PEMT: variants seen among roughly 807,000 people sequenced by gnomAD.
PEMT encodes the protein phospholipid methyltransferase.
A neutral mutation model predicts 27.4 loss-of-function variants in PEMT; 23 were observed. The ratio of observed to expected loss-of-function variants is 0.84; its 90% confidence interval spans 0.60 to 1.19. The LOEUF is 1.19. Among genes scored for constraint, PEMT ranks in the 50% most tolerant of loss-of-function variants. PEMT has a pLI of 0.00. For missense variants in PEMT, 307 were observed against 310.1 expected (o/e 0.99, Z 0.07); for synonymous variants, 137 against 139.1 (o/e 0.98, Z 0.11).
intron 6 of PEMT, 103 bp from the exon 7 acceptor site, chr17:17,505,951 C>A (rs945381230): frequency 2.1e-6 from 3 of 1,435,448 alleles, no homozygotes; most frequent in Non-Finnish European, 2.8e-6. Flanking sequence ...CCAGATGGGA[C>A]CGGGATCCCC....
At chr17:17,575,303 G>A (rs2142738821) in intron 2 of PEMT, among the ~76,000 whole-genome samples, 1 of 152,300 alleles carries the variant, frequency 6.6e-6, no homozygotes, top group Admixed American at 6.5e-5. Context: ...GGCACTTAGG[G>A]CCCACCTGGG....
intron 2 of PEMT, chr17:17,571,019 G>A (rs1911161910): frequency 1.5e-5 from 8 of 528,306 alleles, no homozygotes; most frequent in Non-Finnish European, 1.9e-5. Flanking sequence ...TGGACCCAAG[G>A]TCCTGAAGCC....
At position 17,586,093 on chromosome 17, in the gene PEMT, A is replaced by C. The variant is rs1295227078; in HGVS notation, c.96+5438T>G. On this transcript the variant is annotated intron_variant, in intron 1 of 6. Transcript: ENST00000255389. ...GCGAGACTCCGTCTCAAAAAAAAAA[A>C]AAAAATTGTCACAGATTTTTGAGAC... is the stretch of plus-strand genomic sequence containing the variant. Among the ~76,000 whole-genome samples the C allele has an allele frequency of 2.6e-5, 4 of 151,264 alleles. No individual in the cohort carries two copies. The East Asian group carries it at 7.7e-4, about 29-fold the overall frequency.
intron 4 of PEMT, among the ~76,000 whole-genome samples, chr17:17,511,773 C>T (rs943927413): frequency 1.2e-4 from 18 of 152,068 alleles, no homozygotes; most frequent in Non-Finnish European, 1.6e-4. Flanking sequence ...TTCCAGGTTC[C>T]GAAGGCCCCC....
At chr17:17,516,538 C>T (rs1349681201) in intron 3 of PEMT, among the ~76,000 whole-genome samples, 4 of 152,174 alleles carry the variant, frequency 2.6e-5, no homozygotes, top group Non-Finnish European at 5.9e-5. Context: ...GTGGGATAGG[C>T]TCAAGCCTCA....
intron 3 of PEMT, among the ~76,000 whole-genome samples, chr17:17,520,013 G>T (rs947808788): frequency 6.6e-6 from 1 of 152,212 alleles, no homozygotes; most frequent in African/African-American, 2.4e-5. Flanking sequence ...TAGGGAGCAG[G>T]AGTGGTGGAA....
intron 2 of PEMT, among the ~76,000 whole-genome samples, chr17:17,551,240 A>G (rs1394371187): frequency 6.6e-6 from 1 of 152,222 alleles, no homozygotes; most frequent in East Asian, 1.9e-4. Flanking sequence ...GACACCGGAA[A>G]GGGGTTCAGG....
At chr17:17,517,582 C>T (rs959527770) in intron 3 of PEMT, among the ~76,000 whole-genome samples, 2 of 152,228 alleles carry the variant, frequency 1.3e-5, no homozygotes, top group African/African-American at 4.8e-5. Flanking sequence ...GGACAGAGGG[C>T]CACCTGTGCC....
intron 2 of PEMT, among the ~76,000 whole-genome samples, chr17:17,556,991 T>C (rs1003098145): frequency 3.3e-5 from 5 of 152,152 alleles, no homozygotes; most frequent in African/African-American, 9.7e-5. Context: ...CCGCAGGGGC[T>C]CTAAGAGGAC....
chr17:17,550,077 G>A (rs1487647944), intron 2 of PEMT, among the ~76,000 whole-genome samples: 1 of 152,130 alleles, frequency 6.6e-6, no homozygotes, highest in African/African-American at 2.4e-5. Context: ...ATAGCGGGGG[G>A]GATCAGCAGG....
At chr17:17,540,758 C>T (rs1908820558) in intron 2 of PEMT, among the ~76,000 whole-genome samples, 1 of 152,212 alleles carries the variant, frequency 6.6e-6, no homozygotes, top group African/African-American at 2.4e-5. Context: ...CTCACCCTCT[C>T]CTGCAGTGAC....
chr17:17,589,805 G>A (rs1912501848), intron 1 of PEMT, among the ~76,000 whole-genome samples: 1 of 152,212 alleles, frequency 6.6e-6, no homozygotes, highest in Non-Finnish European at 1.5e-5. Context: ...TTGGCAACAG[G>A]AAGCTTAACT....
intron 1 of PEMT, 57 bp from the exon 2 acceptor site, chr17:17,577,084 C>G: frequency 7.4e-7 from 1 of 1,345,710 alleles, no homozygotes; most frequent in Non-Finnish European, 1.1e-6. Context: ...CTGTGAGCCC[C>G]CAGGAGTCGG....
rs1004413977 is a variant in PEMT, at chr17:17,561,747, A to G, written c.204+15173T>C. ...AGGCCCAGAGATATGAGGGGGGCAC[A>G]ACCGCACCGGGCTCCCGAGGATGGC... On this transcript the variant is annotated intron_variant, in intron 2 of 6. Transcript: ENST00000255389. The surrounding 1 kb of genome is among the most constrained non-coding windows in gnomAD (Gnocchi z 4.5). Among the ~76,000 whole-genome samples, 1 of 152,202 alleles carries G rather than the reference A, an allele frequency of 6.6e-6. No homozygotes were observed. The highest frequency in any genetic ancestry group is 1.5e-5 in the Non-Finnish European group (1 of 68,040).
At chr17:17,545,283 C>T (rs1351554958) in intron 2 of PEMT, among the ~76,000 whole-genome samples, 1 of 152,192 alleles carries the variant, frequency 6.6e-6, no homozygotes, top group Non-Finnish European at 1.5e-5. Context: ...CCCTCACCGT[C>T]CTGGCGTCCC....
intron 2 of PEMT, among the ~76,000 whole-genome samples, chr17:17,553,797 C>A (rs959647307): frequency 6.6e-6 from 1 of 152,268 alleles, no homozygotes; most frequent in Non-Finnish European, 1.5e-5. Context: ...AATCTAGAAA[C>A]TTCTCTGGAC....
intron 3 of PEMT, among the ~76,000 whole-genome samples, chr17:17,521,415 C>T (rs1907252800): frequency 6.6e-6 from 1 of 152,210 alleles, no homozygotes; most frequent in Non-Finnish European, 1.5e-5. Flanking sequence ...TGGGCCTTGT[C>T]TAGCCTGGTG....
chr17:17,544,876 G>T (rs1160621163), intron 2 of PEMT, among the ~76,000 whole-genome samples: 1 of 152,194 alleles, frequency 6.6e-6, no homozygotes, highest in Non-Finnish European at 1.5e-5. Context: ...ACTCCAGTTT[G>T]GAGACTGACC....
intron 2 of PEMT, among the ~76,000 whole-genome samples, chr17:17,576,556 C>T (rs1911603388): frequency 6.6e-6 from 1 of 152,174 alleles, no homozygotes; most frequent in South Asian, 2.1e-4. Context: ...GGGAAGAGAG[C>T]CCCTACTTCC....
Sources: gnomAD v4.1 joint callset for allele counts (sites outside exome capture counted in the v4.1 genomes callset) on GRCh38, gnomAD v4.1.1 for gene constraint, Gnocchi (gnomAD v3.1) non-coding constraint, MANE v1.5 for transcripts, NCBI Gene and HGNC (gene_info 2026-07-23, HGNC 2026-07-21) for gene names.